The following ABI3BP variants were observed in gnomAD, a reference collection of about 807,000 sequenced individuals.
ABI3BP encodes ABI family member 3 binding protein, also known as target of Nesh-SH3.
In ABI3BP, 216 loss-of-function variants were observed where a neutral mutation model predicts 268.6. The observed-to-expected ratio is 0.80, with a 90% confidence interval of 0.72 to 0.90. ABI3BP has a LOEUF of 0.90. ABI3BP is among the 40% of genes least tolerant of loss of function. ABI3BP has a pLI of 0.00. For synonymous variants in ABI3BP, 730 were observed against 730.0 expected, an observed-to-expected ratio of 1.00 and a Z score of 0.00; for missense variants, 2,090 against 2,182.4, an observed-to-expected ratio of 0.96 and a Z score of 0.84.
At position 100,898,776 on chromosome 3, in the gene ABI3BP, G is replaced by A; in HGVS notation, c.447C>T (p.His149=). The A allele has an allele frequency of 3.7e-6, 6 of 1,613,246 alleles. No individual in the cohort carries two copies. The highest frequency in any genetic ancestry group is 5.1e-6 in the Non-Finnish European group (6 of 1,179,574). The change falls in exon 4 of 68, where the codon CAC becomes CAT. Residue 149 remains histidine, a synonymous_variant. Coordinates refer to ENST00000471714, the MANE Select transcript of ABI3BP (RefSeq NM_001375547.2). Reference sequence around the variant, plus strand: ...GCTAATATTACCTGTCATTGGGACAGTGACTTGGCAATGTCCAGTCATGGT... The same window carrying A: ...GCTAATATTACCTGTCATTGGGACAATGACTTGGCAATGTCCAGTCATGGT... ...NPHHDWTLPS[H]CPNDRFYTIR... is the part of the protein sequence containing the mutation.
chr3:100,959,615 G>A (rs1472661035), intron 1 of ABI3BP, among the ~76,000 whole-genome samples: 1 of 151,968 alleles, frequency 6.6e-6, no homozygotes, highest in African/African-American at 2.4e-5. Flanking sequence ...CTGCCCAGGG[G>A]AGCATTTAAA....
intron 4 of ABI3BP, among the ~76,000 whole-genome samples, chr3:100,895,292 T>C (rs975441087): frequency 9.9e-5 from 15 of 152,106 alleles, no homozygotes; most frequent in African/African-American, 3.4e-4. Context: ...GATGTGAACT[T>C]AGAAAGGAAT....
At position 100,774,648 on chromosome 3, in the gene ABI3BP, G is replaced by C; in HGVS notation, c.4488C>G (p.Ser1496Arg). 6.3e-7 allele frequency: 1 copy of C among 1,583,864 alleles called. No individual in the cohort carries two copies. Among genetic ancestry groups the C allele is most frequent in the South Asian group, 1.2e-5 (1 of 85,846 alleles). ...ELENITDFSS[S>R]PTRETDPLGK... ...CAAGAGGATCAGTTTCTCTTGTTGG[G>C]CTTGAGCTAAAGTCAGTTATATTTT... The change falls in exon 61 of 68, where the codon AGC (serine) becomes AGG (arginine). Residue 1496 changes from serine (S) to arginine (R), a missense_variant. Coordinates refer to ENST00000471714, the MANE Select transcript of ABI3BP (RefSeq NM_001375547.2).
At chr3:100,810,012 T>G (rs2152474973) in intron 49 of ABI3BP, among the ~76,000 whole-genome samples, 1 of 152,228 alleles carries the variant, frequency 6.6e-6, no homozygotes, top group South Asian at 2.1e-4. Context: ...GTCAAACCTG[T>G]TTCTGGAGGT....
chr3:100,756,056 TACA>T, intron 63 of ABI3BP, among the ~76,000 whole-genome samples: 1 of 152,208 alleles, frequency 6.6e-6, no homozygotes, highest in East Asian at 1.9e-4. Context: ...ATTCTAGTGC[TACA>T]ACAATGGCAA....
rs914395953 is a variant in ABI3BP, at chr3:100,820,370, C to T, written c.2948-67G>A. The T allele has an allele frequency of 8.9e-5, 111 of 1,244,828 alleles. 1 individual carries two copies. Among genetic ancestry groups the T allele is most frequent in the African/African-American group, 8.5e-4 (56 of 66,256 alleles). 77.1% of individuals were successfully genotyped at this position (1,244,828 alleles called of 1,614,324 possible). On this transcript the variant is annotated intron_variant, in intron 39 of 67. Coordinates refer to ENST00000471714, the MANE Select transcript of ABI3BP (RefSeq NM_001375547.2). ...CCGAAGCTATGAGTAGCATGACATA[C>T]GGTTTGAGATCTCTTAAAACTTACT...
chr3:100,990,972 T>C (rs535580237), intron 1 of ABI3BP, among the ~76,000 whole-genome samples: 1 of 152,302 alleles, frequency 6.6e-6, no homozygotes, highest in South Asian at 2.1e-4. Flanking sequence ...ATGAGAAAAA[T>C]AACAATGGAC....
At chr3:100,851,801 C>T (rs2153045245) in intron 15 of ABI3BP, 74 bp downstream of exon 15, 5 of 1,337,426 alleles carry the variant, frequency 3.7e-6, no homozygotes, top group Non-Finnish European at 5.1e-6. Flanking sequence ...TTCCACTCTG[C>T]AAAAACTAAA....
chr3:100,834,670 C>T lies in ABI3BP; in HGVS notation c.2281+14G>A. ...ATGGGATGCCACAGGGACAAGGAAC[C>T]ACATATTATTTACCTAGTTTGGTCT... On this transcript the variant is annotated intron_variant, in intron 29 of 67. Transcript: ENST00000471714. The T allele has an allele frequency of 6.5e-7, 1 of 1,534,612 alleles. No homozygotes were observed.
chr3:100,980,058 G>A (rs1037567133), intron 1 of ABI3BP, among the ~76,000 whole-genome samples: 12 of 152,156 alleles, frequency 7.9e-5, no homozygotes, highest in African/African-American at 2.4e-4. Flanking sequence ...TCACAAAATG[G>A]GATAATGTTC....
rs773191961 is a variant in ABI3BP at position 100,951,820 on chromosome 3, T to G, written c.80-25339A>C. ...CTTCTAATTAAAGAGTGAGTTTTCTTCTTTTCCTTCTCCTTGACCACTTTG... is the reference window on the plus strand; with the variant it reads ...CTTCTAATTAAAGAGTGAGTTTTCTGCTTTTCCTTCTCCTTGACCACTTTG... On this transcript the variant is annotated intron_variant, in intron 1 of 67. Transcript: ENST00000471714. Among the ~76,000 whole-genome samples, 76 of 152,114 alleles carry G rather than the reference T, an allele frequency of 5.0e-4. 1 individual carries two copies. Among genetic ancestry groups the G allele is most frequent in the Middle Eastern group, 3.4e-3 (1 of 294 alleles).
intron 57 of ABI3BP, among the ~76,000 whole-genome samples, chr3:100,786,687 A>G (rs2097056778): frequency 6.6e-6 from 1 of 152,206 alleles, no homozygotes; most frequent in Non-Finnish European, 1.5e-5. Context: ...CTCCGTTTAC[A>G]GCCAGATTGC....
At chr3:100,823,432 T>C (rs1420497376) in intron 37 of ABI3BP, 26 bp downstream of exon 37, 2 of 1,513,870 alleles carry the variant, frequency 1.3e-6, no homozygotes, top group African/African-American at 2.8e-5. Flanking sequence ...AAAAGAAGCT[T>C]GTCGAAAACA....
At position 100,885,567 on chromosome 3, in the gene ABI3BP, AT is replaced by A; in HGVS notation, c.664del (p.Ile222SerfsTer19). 1.3e-6 allele frequency: 2 copies of A among 1,560,016 alleles called. No individual in the cohort carries two copies. The highest frequency in any genetic ancestry group is 2.3e-5 in the East Asian group (1 of 43,524). ...GTGGTCTTGGTCATAGGTACTTTGG[AT>A]TTTCCCATTTACTTTTTTACCTGAT... Reference protein sequence around the residue: ...VVGSKKVNGKIQSTYDQDHTV... With the variant: ...VVGSKKVNGKXQSTYDQDHTV... On this transcript the variant is annotated frameshift_variant, in exon 6 of 68. Coordinates refer to ENST00000471714, the MANE Select transcript of ABI3BP (RefSeq NM_001375547.2). LOFTEE classifies it high-confidence loss of function.
In ABI3BP at chr3:100,774,591, C is replaced by G; in HGVS notation, c.4531+14G>C. The G allele has an allele frequency of 2.6e-6, 4 of 1,556,772 alleles. No individual in the cohort carries two copies. Among genetic ancestry groups the G allele is most frequent in the Non-Finnish European group, 3.5e-6 (4 of 1,152,648 alleles). ...GCCTTTTCAAATGTGAGATTCACAG[C>G]CAGTCATACATACCTTTGAATCTTG... On this transcript the variant is annotated intron_variant, in intron 61 of 67. Coordinates refer to ENST00000471714, the MANE Select transcript of ABI3BP (RefSeq NM_001375547.2).
At chr3:100,875,840 T>C (rs2118171) in intron 7 of ABI3BP, among the ~76,000 whole-genome samples, 59,282 of 152,042 alleles carry the variant, frequency 0.39, 13,330 homozygotes, top group Admixed American at 0.54. Flanking sequence ...TCTTCCTAAC[T>C]CTATTCCCTG....
At chr3:100,989,416 G>C (rs1484801318) in intron 1 of ABI3BP, among the ~76,000 whole-genome samples, 3 of 152,110 alleles carry the variant, frequency 2.0e-5, no homozygotes, top group African/African-American at 7.2e-5. Flanking sequence ...AATAATAATG[G>C]TAATAGTTAT....
At chr3:100,914,837 T>C (rs2058053511) in intron 2 of ABI3BP, among the ~76,000 whole-genome samples, 1 of 152,214 alleles carries the variant, frequency 6.6e-6, no homozygotes, top group African/African-American at 2.4e-5. Context: ...GACACACTTT[T>C]TCTAAACAGA....
At chr3:100,914,153 G>T (rs1238817662) in intron 2 of ABI3BP, among the ~76,000 whole-genome samples, 1 of 151,656 alleles carries the variant, frequency 6.6e-6, no homozygotes, top group East Asian at 1.9e-4. Flanking sequence ...TTTTTCCTCA[G>T]AAAAAGTATG....
Sources: gnomAD v4.1 joint callset for allele counts (sites outside exome capture counted in the v4.1 genomes callset) on GRCh38, gnomAD v4.1.1 for gene constraint, MANE v1.5 for transcripts, NCBI Gene and HGNC (gene_info 2026-07-23, HGNC 2026-07-21) for gene names.